The following RHOC variants were observed in gnomAD, a reference collection of about 807,000 sequenced individuals.
The protein encoded by RHOC is ras homolog family member C.
Under a neutral mutation model 19.5 loss-of-function variants are expected in RHOC, and 13 were observed. The observed-to-expected ratio is 0.67, with a 90% CI of 0.43 to 1.06. The LOEUF (loss-of-function observed/expected upper bound fraction) is 1.06, where lower values mean the gene tolerates loss of function less well. RHOC is among the 50% of genes least tolerant of loss of function. RHOC has a pLI of 0.00. For missense variants in RHOC, 173 were observed against 256.9 expected, an observed-to-expected ratio of 0.67 and a Z score of 2.23; for synonymous variants, 106 against 97.3, an observed-to-expected ratio of 1.09 and a Z score of -0.52.
chr1:112,707,168 G>A (rs1674925218), upstream of RHOC: 1 of 150,624 alleles, frequency 6.6e-6, no homozygotes, highest in Admixed American at 6.6e-5. Context: ...GCGCCGCGGC[G>A]GGGAGGGCGG....
In RHOC at chr1:112,703,802, T is replaced by C. The variant is rs774557812; in HGVS notation, c.-3A>G. 6.2e-6 allele frequency: 10 copies of C among 1,609,466 alleles called. No individual in the cohort carries two copies. In the Admixed American group the frequency reaches 1.7e-4, roughly 27 times the overall value. ...AGCTTCTTTCGGATTGCAGCCATGG[T>C]GGGGCTGCCAGGAAAGACGTATTGG... On this transcript the variant is annotated 5_prime_UTR_variant, in exon 3 of 6. Coordinates refer to ENST00000339083, the MANE Select transcript of RHOC (RefSeq NM_175744.5).
At chr1:112,703,867 T>C in intron 2 of RHOC, 61 bp from the exon 3 acceptor site, 1 of 1,510,026 alleles carries the variant, frequency 6.6e-7, no homozygotes, top group Non-Finnish European at 9.0e-7. Context: ...AACACTTCTC[T>C]AGGGCCCCCA....
intron 1 of RHOC, chr1:112,705,904 C>CTT (rs1674819768): frequency 2.9e-6 from 1 of 340,474 alleles, no homozygotes; most frequent in African/African-American, 2.2e-5. Flanking sequence ...AGGACAGAAA[C>CTT]CCGGGGTTGA....
At chr1:112,703,947 C>G in intron 2 of RHOC, 141 bp from the exon 3 acceptor site, 1 of 714,768 alleles carries the variant, frequency 1.4e-6, no homozygotes, top group Non-Finnish European at 2.3e-6. Flanking sequence ...TGGCAAAACA[C>G]CAATTGTGCG....
At chr1:112,703,290 A>C in intron 3 of RHOC, 171 bp from the exon 4 acceptor site, 1 of 791,268 alleles carries the variant, frequency 1.3e-6, no homozygotes, top group East Asian at 2.7e-5. Flanking sequence ...TCAGTTTGTT[A>C]AAGAAATCTA....
upstream of RHOC, chr1:112,707,227 C>G (rs1360554777): frequency 6.6e-6 from 1 of 150,716 alleles, no homozygotes; most frequent in African/African-American, 2.4e-5. Context: ...CTCGGCCCGC[C>G]CCGGCCCCGC....
At chr1:112,703,511 C>T (rs1390542344) in intron 3 of RHOC, 133 bp downstream of exon 3, 1 of 833,868 alleles carries the variant, frequency 1.2e-6, no homozygotes, top group Non-Finnish European at 2.0e-6. Flanking sequence ...AGATTTACTT[C>T]CTAACTTTTA....
intron 1 of RHOC, among the ~76,000 whole-genome samples, chr1:112,706,517 C>CAAA (rs1177777439): frequency 1.4e-5 from 1 of 71,300 alleles, no homozygotes. Flanking sequence ...CACACACACA[C>CAAA]ACACACACAC....
At chr1:112,705,469 G>C in intron 1 of RHOC, 1 of 574,480 alleles carries the variant, frequency 1.7e-6, no homozygotes, top group Non-Finnish European at 3.3e-6. Flanking sequence ...CTTGCCTCCA[G>C]ACACATTCAC....
Position 112,702,634 on chromosome 1 carries a change from T to C in RHOC, c.337A>G (p.Ile113Val). The change falls in exon 5 of 6, where the codon ATC becomes GTC. Residue 113 changes from isoleucine (I) to valine (V), a missense_variant. Physicochemically the swap from Ile to Val is conservative, Grantham distance 29 (BLOSUM62 3). Coordinates refer to ENST00000339083, the MANE Select transcript of RHOC (RefSeq NM_175744.5). The part of the protein sequence containing the change: ...VKHFCPNVPI[I>V]LVGNKKDLRQ... Reference sequence around the variant, plus strand: ...AGGTCCTTCTTATTCCCCACCAGGATGATGGGCACGTTGGGGCAGAAGTGC... The same window carrying C: ...AGGTCCTTCTTATTCCCCACCAGGACGATGGGCACGTTGGGGCAGAAGTGC... 3 of 1,614,128 alleles carry C rather than the reference T, an allele frequency of 1.9e-6. No homozygotes were observed. The highest frequency in any genetic ancestry group is 2.5e-6 in the Non-Finnish European group (3 of 1,179,994).
rs775884207 is a variant in RHOC, at chr1:112,703,789, A to G, written c.11T>C (p.Ile4Thr). 2 of 1,611,270 alleles carry G rather than the reference A, an allele frequency of 1.2e-6. No homozygotes were observed. The highest frequency in any genetic ancestry group is 3.4e-5 in the Admixed American group (2 of 59,674). Residue 4 changes from isoleucine (I) to threonine (T), a missense_variant, in exon 3 of 6, where the codon ATC (isoleucine) becomes ACC (threonine). By Grantham distance (89) the Ile-to-Thr change is moderately conservative. Around this residue, in one of 2 missense-constraint regions of RHOC, gnomAD observed 92 missense variants for 171.1 expected, o/e 0.54. Coordinates refer to ENST00000339083, the MANE Select transcript of RHOC (RefSeq NM_175744.5). MAA[I>T]RKKLVIVGDG... is the part of the protein sequence containing the mutation. ...CCCAACGATCACCAGCTTCTTTCGGATTGCAGCCATGGTGGGGCTGCCAGG... is the reference window on the plus strand; with the variant it reads ...CCCAACGATCACCAGCTTCTTTCGGGTTGCAGCCATGGTGGGGCTGCCAGG...
chr1:112,702,438 A>G (rs1251608134), intron 5 of RHOC, 125 bp downstream of exon 5: 27 of 1,038,118 alleles, frequency 2.6e-5, no homozygotes, highest in Non-Finnish European at 3.7e-5. Context: ...GTCCTCCCTC[A>G]CCAGGAGATA....
chr1:112,706,770 C>T (rs1462805237), intron 1 of RHOC: 2 of 152,074 alleles, frequency 1.3e-5, no homozygotes, highest in South Asian at 4.2e-4. Context: ...TTCCCTCGCC[C>T]CTCGCCCGGC....
At chr1:112,702,752 G>T (rs1274465668) in intron 4 of RHOC, 59 bp from the exon 5 acceptor site, 6 of 1,599,608 alleles carry the variant, frequency 3.8e-6, no homozygotes, top group Non-Finnish European at 5.1e-6. Context: ...AAGCTCCCCT[G>T]GGGGGGCCCT....
rs1674608231 is a variant in RHOC, at chr1:112,701,177, A to C, written c.*363T>G. Reference sequence around the variant, plus strand: ...CATGCCCCCCTGACCAAATGCAGTGAGAGACAAGGCCCCTGCCGAAAACAA... The same window carrying C: ...CATGCCCCCCTGACCAAATGCAGTGCGAGACAAGGCCCCTGCCGAAAACAA... On this transcript the variant is annotated 3_prime_UTR_variant, in exon 6 of 6. Coordinates refer to ENST00000339083, the MANE Select transcript of RHOC (RefSeq NM_175744.5). 1 of 543,468 alleles carries C rather than the reference A, an allele frequency of 1.8e-6. No individual in the cohort carries two copies. Among genetic ancestry groups the C allele is most frequent in the Admixed American group, 3.2e-5 (1 of 31,314 alleles). 33.7% of individuals were successfully genotyped at this position (543,468 alleles called of 1,614,324 possible). A position where few individuals can be genotyped will look rare whatever the true frequency, so the allele number is the denominator to read the frequency against.
Position 112,706,476 on chromosome 1 carries a change from A to ACCCC in RHOC, c.-77+601_-77+602insGGGG, listed in dbSNP as rs1557780694. Reference sequence around the variant, plus strand: ...ACACACACACACACCACACACACACACACACACACACACACACACACACAC... The same window carrying ACCCC: ...ACACACACACACACCACACACACACACCCCCACACACACACACACACACACACAC... On this transcript the variant is annotated intron_variant, in intron 1 of 5. Transcript: ENST00000339083. Among the ~76,000 whole-genome samples the ACCCC allele has an allele frequency of 1.8e-3, 7 of 3,878 alleles. 1 individual carries two copies. Among genetic ancestry groups the ACCCC allele is most frequent in the Non-Finnish European group, 5.4e-3 (7 of 1,308 alleles). 2.5% of individuals were successfully genotyped at this position (3,878 alleles called of 152,430 possible).
intron 1 of RHOC, among the ~76,000 whole-genome samples, chr1:112,706,430 T>TCTCTACAC (rs1491269480): frequency 4.0e-5 from 2 of 49,694 alleles, no homozygotes; most frequent in African/African-American, 1.7e-4. Context: ...TCTCTCTCTC[T>TCTCTACAC]ACACACACAC....
At chr1:112,706,453 A>AC (rs144463622) in intron 1 of RHOC, among the ~76,000 whole-genome samples, 2 of 21,016 alleles carry the variant, frequency 9.5e-5, no homozygotes, top group African/African-American at 2.5e-4. Flanking sequence ...ACACACACAC[A>AC]CACACACACA....
chr1:112,702,759 C>T (rs545987044), intron 4 of RHOC, 66 bp from the exon 5 acceptor site: 22 of 1,589,954 alleles, frequency 1.4e-5, no homozygotes, highest in Admixed American at 5.1e-5. Context: ...CCTGGGGGGG[C>T]CCTCATCTTC....
Sources: allele counts gnomAD v4.1 joint callset (sites outside exome capture counted in the v4.1 genomes callset), GRCh38; gene constraint gnomAD v4.1.1; regional missense constraint gnomAD v4.1.1; transcripts MANE v1.5; gene names NCBI Gene and HGNC (gene_info 2026-07-23, HGNC 2026-07-21).